EYS: variants seen among roughly 807,000 people sequenced by gnomAD.
The protein encoded by EYS is EGF-like photoreceptor maintenance factor.
In EYS, 250 loss-of-function variants were observed where a neutral mutation model predicts 282.1. The ratio of observed to expected loss-of-function variants is 0.89; its 90% CI spans 0.80 to 0.98. The LOEUF is 0.98. Among genes scored for constraint, EYS ranks in the 50% least tolerant of loss-of-function variants. The pLI, the probability that EYS is intolerant of heterozygous loss-of-function variation, is 0.00. For synonymous variants in EYS, 1,355 were observed against 1,282.9 expected (o/e 1.06, Z -1.20); for missense variants, 4,016 against 3,709.0 (o/e 1.08, Z -2.15).
At chr6:64,525,645 A>C (rs1777893251) in intron 26 of EYS, among the ~76,000 whole-genome samples, 1 of 151,696 alleles carries the variant, frequency 6.6e-6, no homozygotes, top group Admixed American at 6.6e-5. Context: ...TATACAACAA[A>C]CCTGCAAGTA....
intron 12 of EYS, among the ~76,000 whole-genome samples, chr6:65,091,655 G>C (rs925866343): frequency 6.6e-6 from 1 of 152,048 alleles, no homozygotes; most frequent in African/African-American, 2.4e-5. Flanking sequence ...GTATTTATCT[G>C]CTTCATAATT....
At chr6:63,740,253 T>C (rs1016340397) in intron 41 of EYS, among the ~76,000 whole-genome samples, 7 of 152,174 alleles carry the variant, frequency 4.6e-5, no homozygotes, top group Non-Finnish European at 1.0e-4. Context: ...AGGTCTTTCC[T>C]GTGCTGTTCT....
At chr6:64,445,689 G>T (rs548817141) in intron 26 of EYS, among the ~76,000 whole-genome samples, 1 of 152,226 alleles carries the variant, frequency 6.6e-6, no homozygotes, top group East Asian at 1.9e-4. Flanking sequence ...TATGAGACTT[G>T]CTTTTCACAT....
chr6:65,632,373 T>C (rs1210768000), intron 2 of EYS, among the ~76,000 whole-genome samples: 2 of 152,152 alleles, frequency 1.3e-5, no homozygotes. Context: ...AAAATCAATG[T>C]CTAATAAAAT....
At chr6:65,050,583 C>T (rs1255344973) in intron 13 of EYS, among the ~76,000 whole-genome samples, 21 of 151,508 alleles carry the variant, frequency 1.4e-4, no homozygotes, top group Non-Finnish European at 3.1e-4. Context: ...ATTTCCAGAA[C>T]ATTAGAGATG....
intron 9 of EYS, among the ~76,000 whole-genome samples, chr6:65,349,076 T>A (rs945021605): frequency 1.2e-4 from 18 of 151,670 alleles, no homozygotes; most frequent in Non-Finnish European, 2.2e-4. Context: ...GCTATCCAGT[T>A]GTTCCATGTT....
At chr6:64,421,735 TA>T (rs1423023504) in intron 28 of EYS, among the ~76,000 whole-genome samples, 2 of 152,048 alleles carry the variant, frequency 1.3e-5, no homozygotes, top group Admixed American at 1.3e-4. Flanking sequence ...GATACAAAAA[TA>T]AAAATAATCA....
intron 14 of EYS, among the ~76,000 whole-genome samples, chr6:64,959,647 T>G (rs1162211629): frequency 6.6e-6 from 1 of 152,164 alleles, no homozygotes; most frequent in East Asian, 1.9e-4. Flanking sequence ...ATCAACAAAT[T>G]TGAACTCAGT....
chr6:64,106,689 G>A (rs1394356016), intron 31 of EYS, among the ~76,000 whole-genome samples: 1 of 151,454 alleles, frequency 6.6e-6, no homozygotes, highest in East Asian at 1.9e-4. Flanking sequence ...GTGTTCTTTG[G>A]GCTTCCTGGG....
chr6:64,881,228 A>G (rs1766909268), intron 19 of EYS, among the ~76,000 whole-genome samples: 1 of 151,848 alleles, frequency 6.6e-6, no homozygotes. Context: ...GACATTAAAA[A>G]GAAAGCTCAT....
At chr6:65,643,314 C>A (rs780101060) in intron 1 of EYS, among the ~76,000 whole-genome samples, 1 of 152,168 alleles carries the variant, frequency 6.6e-6, no homozygotes, top group Non-Finnish European at 1.5e-5. Context: ...CAACCTAATA[C>A]ACCTGGGAAT....
At chr6:63,850,191 C>G in intron 36 of EYS, among the ~76,000 whole-genome samples, 1 of 152,212 alleles carries the variant, frequency 6.6e-6, no homozygotes, top group African/African-American at 2.4e-5. Context: ...AAGACCAAAC[C>G]TATGATTGAT....
chr6:64,701,366 C>G (rs754153286), intron 22 of EYS, among the ~76,000 whole-genome samples: 1 of 151,952 alleles, frequency 6.6e-6, no homozygotes, highest in Non-Finnish European at 1.5e-5. Flanking sequence ...GAGACTTAAA[C>G]TAAAATAATC....
At chr6:65,353,701 T>C in intron 8 of EYS, 84 bp from the exon 9 acceptor site, 1 of 1,142,740 alleles carries the variant, frequency 8.8e-7, no homozygotes. Flanking sequence ...CAGCTAATTT[T>C]TAAAACCACA....
At chr6:65,280,436 CT>C (rs1252749782) in intron 12 of EYS, among the ~76,000 whole-genome samples, 1 of 152,094 alleles carries the variant, frequency 6.6e-6, no homozygotes, top group Non-Finnish European at 1.5e-5. Flanking sequence ...ATTAGAGGCA[CT>C]TGGAAATTAT....
chr6:64,397,190 G>T (rs556086446), intron 28 of EYS, among the ~76,000 whole-genome samples: 1 of 151,776 alleles, frequency 6.6e-6, no homozygotes. Context: ...AGTTTAACTT[G>T]GTTATGATAT....
chr6:63,864,112 AT>A, intron 36 of EYS, 73 bp downstream of exon 36: 5 of 1,317,118 alleles, frequency 3.8e-6, no homozygotes, highest in Non-Finnish European at 5.0e-6. Context: ...GCTATCCTTG[AT>A]TCATCTGAGT....
At chr6:65,526,472 T>C (rs1394976693) in intron 2 of EYS, among the ~76,000 whole-genome samples, 1 of 152,180 alleles carries the variant, frequency 6.6e-6, no homozygotes, top group East Asian at 1.9e-4. Context: ...TTTAGATTTG[T>C]AGCTAGCAAA....
At chr6:64,123,971 T>C (rs1773678316) in intron 31 of EYS, among the ~76,000 whole-genome samples, 1 of 152,140 alleles carries the variant, frequency 6.6e-6, no homozygotes, top group Non-Finnish European at 1.5e-5. Context: ...AACTATTAGA[T>C]AAAATGATAA....
Sources: allele counts gnomAD v4.1 joint callset (sites outside exome capture counted in the v4.1 genomes callset), GRCh38; gene constraint gnomAD v4.1.1; transcripts MANE v1.5; gene names NCBI Gene and HGNC (gene_info 2026-07-23, HGNC 2026-07-21).